Variants in OAS1 observed in about 807,000 individuals in gnomAD.
OAS1 encodes 2'-5'-oligoadenylate synthetase 1.
Under a neutral mutation model 38.5 loss-of-function variants are expected in OAS1, and 24 were observed. That is an observed-to-expected ratio of 0.62 (90% CI 0.45 to 0.88). The LOEUF is 0.88. Among genes scored for constraint, OAS1 ranks in the 40% least tolerant of loss-of-function variants. The pLI, the probability that OAS1 is intolerant of heterozygous loss-of-function variation, is 0.00. For missense variants in OAS1, 482 were observed against 493.9 expected (o/e 0.98, Z 0.23); for synonymous variants, 169 against 193.9 (o/e 0.87, Z 1.07).
chr12:112,915,681 T>A (rs1473092187), intron 3 of OAS1, among the ~76,000 whole-genome samples: 1 of 152,230 alleles, frequency 6.6e-6, no homozygotes, highest in Non-Finnish European at 1.5e-5. Flanking sequence ...TTGATGGGAA[T>A]TGCATTGAAT....
downstream of OAS1, chr12:112,932,481 TA>T (rs1226087630): frequency 2.6e-5 from 4 of 152,606 alleles, no homozygotes; most frequent in African/African-American, 9.7e-5. Context: ...TAATCCCAGC[TA>T]ATCAGGAGTC....
At chr12:112,914,730 G>GTTTTTTT (rs60578734) in intron 3 of OAS1, among the ~76,000 whole-genome samples, 136 of 118,218 alleles carry the variant, frequency 1.2e-3, no homozygotes, top group Middle Eastern at 4.7e-3. Context: ...GTTGGTATTT[G>GTTTTTTT]TTTTTTTTTT....
At chr12:112,916,247 G>A (rs1390567951) in intron 3 of OAS1, among the ~76,000 whole-genome samples, 1 of 152,112 alleles carries the variant, frequency 6.6e-6, no homozygotes, top group African/African-American at 2.4e-5. Flanking sequence ...TTAACAAGGG[G>A]CCAGTACACT....
chr12:112,921,722 A>G (rs960796547), downstream of OAS1, among the ~76,000 whole-genome samples: 5 of 152,202 alleles, frequency 3.3e-5, no homozygotes, highest in Admixed American at 6.5e-5. Context: ...CACAGCCTAT[A>G]CCAGCTGCAG....
intron 6 of OAS1, among the ~76,000 whole-genome samples, chr12:112,929,738 CAAG>C (rs1261757173): frequency 6.6e-6 from 1 of 152,100 alleles, no homozygotes; most frequent in Non-Finnish European, 1.5e-5. Context: ...CTCACCCAGG[CAAG>C]AAGAGTCCTT....
At position 112,929,767 on chromosome 12, in the gene OAS1, G is replaced by T. The variant is rs113310546; in HGVS notation, c.1168-2111G>T. On this transcript the variant is annotated intron_variant, in intron 6 of 6. Coordinates refer to the OAS1 transcript ENST00000540589. ...AAGAGTCCTTTTTTATGATAATAAG[G>T]TGGAAGAAGGCAAGGGGGAGATAAG... 5.3e-5 allele frequency among the ~76,000 whole-genome samples: 8 copies of T among 152,244 alleles called. 1 individual carries two copies. Among genetic ancestry groups the T allele is most frequent in the South Asian group, 2.1e-4 (1 of 4,812 alleles).
Position 112,908,509 on chromosome 12 carries a change from AATT to A in OAS1, c.181-20_181-18del, listed in dbSNP as rs766503988. 42 of 1,593,376 alleles carry A rather than the reference AATT, an allele frequency of 2.6e-5. No homozygotes were observed. The African/African-American group carries it at 5.4e-4, about 21-fold the overall frequency. ...AGGGAGGTTTGCCTCACTAAGCATC[AATT>A]ATTATTTTTGTCGTCTTTTTCAGGG... On this transcript the variant is annotated intron_variant, in intron 1 of 5. Coordinates refer to ENST00000202917, the MANE Select transcript of OAS1 (RefSeq NM_016816.4).
In OAS1 at chr12:112,908,558, C is replaced by T; in HGVS notation, c.203C>T (p.Thr68Ile). 2 of 1,613,652 alleles carry T rather than the reference C, an allele frequency of 1.2e-6. No individual in the cohort carries two copies. The highest frequency in any genetic ancestry group is 1.7e-4 in the Middle Eastern group (1 of 6,056). Residue 68 changes from threonine (T) to isoleucine (I), a missense_variant, in exon 2 of 6, where the codon ACC (threonine) becomes ATC (isoleucine). By Grantham distance (89) the Thr-to-Ile change is moderately conservative (BLOSUM62 -1). Transcript: ENST00000202917. ...VVKGGSSGKGTTLRGRSDADL... is the reference protein window; with the variant it reads ...VVKGGSSGKGITLRGRSDADL... ...CAGGGTGGCTCCTCAGGCAAGGGCA[C>T]CACCCTCAGAGGCCGATCTGACGCT...
At chr12:112,931,677 T>A (rs2043597963) in intron 6 of OAS1, among the ~76,000 whole-genome samples, 1 of 152,200 alleles carries the variant, frequency 6.6e-6, no homozygotes. Context: ...CCGCATTCTC[T>A]TCATTTGACA....
At chr12:112,919,052 C>T in intron 5 of OAS1, 1 of 301,624 alleles carries the variant, frequency 3.3e-6, no homozygotes, top group South Asian at 3.9e-5. Context: ...TCAGCCAACT[C>T]CAAGGACAGC....
chr12:112,929,149 G>T (rs1280610488), intron 6 of OAS1, among the ~76,000 whole-genome samples: 2 of 152,214 alleles, frequency 1.3e-5, no homozygotes, highest in Non-Finnish European at 2.9e-5. Context: ...TTCACATCTG[G>T]ACCAGAGGAA....
At chr12:112,931,979 A>G in exon 7 of OAS1, 1 of 697,712 alleles carries the variant, frequency 1.4e-6, no homozygotes, top group Non-Finnish European at 2.6e-6. Context: ...TATAGTTTCC[A>G]GGTTGCTTAG....
At chr12:112,912,457 A>T (rs553615655) in intron 3 of OAS1, among the ~76,000 whole-genome samples, 1 of 152,264 alleles carries the variant, frequency 6.6e-6, no homozygotes, top group Non-Finnish European at 1.5e-5. Context: ...GAATGAAAAT[A>T]ATCAGGAATA....
At chr12:112,927,509 G>T (rs1280259006) in intron 6 of OAS1, among the ~76,000 whole-genome samples, 1 of 152,192 alleles carries the variant, frequency 6.6e-6, no homozygotes, top group East Asian at 1.9e-4. Context: ...GGCCATAGGA[G>T]ACTTCTATTC....
At chr12:112,924,903 C>T (rs2043549465), downstream of OAS1, among the ~76,000 whole-genome samples, 1 of 152,088 alleles carries the variant, frequency 6.6e-6, no homozygotes, top group Admixed American at 6.6e-5. Context: ...TTGTTTGGAG[C>T]TGCTGGTTCA....
downstream of OAS1, among the ~76,000 whole-genome samples, chr12:112,922,997 TG>T (rs2043539605): frequency 6.6e-6 from 1 of 152,262 alleles, no homozygotes; most frequent in Admixed American, 6.5e-5. Flanking sequence ...CTCAAAGTGC[TG>T]GGATCACAGC....
chr12:112,928,347 A>T (rs1027098969), intron 6 of OAS1, among the ~76,000 whole-genome samples: 1 of 152,192 alleles, frequency 6.6e-6, no homozygotes, highest in Non-Finnish European at 1.5e-5. Flanking sequence ...GAATCATTCC[A>T]TGGGAGGACT....
intron 6 of OAS1, among the ~76,000 whole-genome samples, chr12:112,927,371 A>G (rs1427407712): frequency 6.6e-6 from 1 of 151,834 alleles, no homozygotes; most frequent in South Asian, 2.1e-4. Flanking sequence ...TGAAATTAGC[A>G]TTGATTCTAA....
chr12:112,908,739 C>T lies in OAS1; in HGVS notation c.384C>T (p.Asn128=), dbSNP rs891502627. The T allele has an allele frequency of 1.9e-6, 3 of 1,614,020 alleles. No individual in the cohort carries two copies. The highest frequency in any genetic ancestry group is 2.5e-6 in the Non-Finnish European group (3 of 1,180,012). ...AGGTCCAGGCTCCACGCTGGGGCAACCCCCGTGCGCTCAGCTTCGTACTGA... is the reference window on the plus strand; with the variant it reads ...AGGTCCAGGCTCCACGCTGGGGCAATCCCCGTGCGCTCAGCTTCGTACTGA... The part of the protein sequence containing the change: ...KFEVQAPRWG[N]PRALSFVLSS... Residue 128 remains asparagine (N), a synonymous_variant, in exon 2 of 6, where the codon AAC becomes AAT. Coordinates refer to ENST00000202917, the MANE Select transcript of OAS1 (RefSeq NM_016816.4).
Sources: gnomAD v4.1 joint callset for allele counts (sites outside exome capture counted in the v4.1 genomes callset) on GRCh38, gnomAD v4.1.1 for gene constraint, MANE v1.5 for transcripts, NCBI Gene and HGNC (gene_info 2026-07-23, HGNC 2026-07-21) for gene names.